The following MCHR2 variants were observed in gnomAD, a reference collection of about 807,000 sequenced individuals.
MCHR2 encodes melanin concentrating hormone receptor 2.
Under a neutral mutation model 24.8 loss-of-function variants are expected in MCHR2, and 15 were observed. The ratio of observed to expected loss-of-function variants is 0.60; its 90% CI spans 0.40 to 0.93. MCHR2 has a LOEUF of 0.93. Among genes scored for constraint, MCHR2 ranks in the 40% least tolerant of loss-of-function variants. The pLI is 0.00. For synonymous variants in MCHR2, 151 were observed against 147.6 expected, an observed-to-expected ratio of 1.02 and a Z score of -0.17; for missense variants, 386 against 408.7, an observed-to-expected ratio of 0.94 and a Z score of 0.48.
At chr6:99,953,665 T>C (rs933523898) in intron 2 of MCHR2, among the ~76,000 whole-genome samples, 1 of 150,162 alleles carries the variant, frequency 6.7e-6, no homozygotes, top group African/African-American at 2.4e-5. Flanking sequence ...CACTAGAATA[T>C]GAACTTTTTA....
chr6:99,964,955 G>A lies in MCHR2; in HGVS notation c.-27-8781C>T, dbSNP rs192816441. On this transcript the variant is annotated intron_variant, in intron 1 of 5. Transcript: ENST00000281806. ...AAGGCAAAACGAATCTATATTACTA[G>A]GGCTACATATAATGATGGTAAAAAT... 4.2e-3 allele frequency among the ~76,000 whole-genome samples: 632 copies of A among 152,092 alleles called. 6 individuals carry two copies. The highest frequency in any genetic ancestry group is 0.014 in the African/African-American group (595 of 41,470).
At chr6:99,984,058 T>C (rs1775722751) in intron 1 of MCHR2, among the ~76,000 whole-genome samples, 1 of 152,156 alleles carries the variant, frequency 6.6e-6, no homozygotes, top group Non-Finnish European at 1.5e-5. Flanking sequence ...TACAAATGGC[T>C]TAAACGTAAA....
intron 4 of MCHR2, among the ~76,000 whole-genome samples, chr6:99,942,199 A>G (rs920597874): frequency 6.6e-6 from 1 of 152,174 alleles, no homozygotes; most frequent in Admixed American, 6.5e-5. Flanking sequence ...AACAATAGAA[A>G]TTTATTCTCT....
At chr6:99,969,252 G>C (rs181272208) in intron 1 of MCHR2, among the ~76,000 whole-genome samples, 1 of 151,968 alleles carries the variant, frequency 6.6e-6, no homozygotes, top group Non-Finnish European at 1.5e-5. Flanking sequence ...GAGGCGGGAG[G>C]ATCACGATGT....
At chr6:99,951,050 G>T (rs1462157479) in intron 2 of MCHR2, among the ~76,000 whole-genome samples, 1 of 152,080 alleles carries the variant, frequency 6.6e-6, no homozygotes, top group Non-Finnish European at 1.5e-5. Context: ...TACCAGTGGG[G>T]CTCCAGCTCC....
At chr6:99,935,293 CA>C (rs967305087) in intron 4 of MCHR2, among the ~76,000 whole-genome samples, 1 of 151,938 alleles carries the variant, frequency 6.6e-6, no homozygotes, top group Non-Finnish European at 1.5e-5. Context: ...ACTGATTCAC[CA>C]AACACTAGGT....
At chr6:99,954,143 A>G (rs1435948516) in intron 2 of MCHR2, among the ~76,000 whole-genome samples, 1 of 152,050 alleles carries the variant, frequency 6.6e-6, no homozygotes, top group Non-Finnish European at 1.5e-5. Flanking sequence ...CTTTGTTTTC[A>G]TTAGTTGTGG....
intron 5 of MCHR2, among the ~76,000 whole-genome samples, chr6:99,933,827 A>G (rs746724519): frequency 1.6e-4 from 25 of 152,104 alleles, no homozygotes; most frequent in Non-Finnish European, 2.9e-4. Flanking sequence ...GGAATACACA[A>G]TCTCAAGGTG....
chr6:99,991,709 A>G (rs755123203), intron 1 of MCHR2, among the ~76,000 whole-genome samples: 36 of 147,344 alleles, frequency 2.4e-4, no homozygotes, highest in Admixed American at 2.1e-4. Context: ...CTGCAGGCTG[A>G]GGCAGGAGAA....
chr6:99,958,286 G>GAAAAA lies in MCHR2; in HGVS notation c.-27-2117_-27-2113dup, dbSNP rs60546915. ...GCTGGGACAATTGCCTGTCTAAATG[G>GAAAAA]AAAAACCAATCTCACCTATATAAAT... is the stretch of plus-strand genomic sequence containing the variant. On this transcript the variant is annotated intron_variant, in intron 1 of 5. Coordinates refer to ENST00000281806, the MANE Select transcript of MCHR2 (RefSeq NM_001040179.2). Among the ~76,000 whole-genome samples the GAAAAA allele has an allele frequency of 3.3e-3, 505 of 151,278 alleles. 3 individuals are homozygous for GAAAAA. The highest frequency in any genetic ancestry group is 0.012 in the African/African-American group (476 of 41,274).
intron 1 of MCHR2, among the ~76,000 whole-genome samples, chr6:99,975,638 G>A (rs1775534561): frequency 6.6e-6 from 1 of 152,222 alleles, no homozygotes; most frequent in South Asian, 2.1e-4. Context: ...AGATGGAAAT[G>A]CAGAAATCAC....
At chr6:99,989,159 G>A (rs1775820670) in intron 1 of MCHR2, among the ~76,000 whole-genome samples, 1 of 152,122 alleles carries the variant, frequency 6.6e-6, no homozygotes, top group Non-Finnish European at 1.5e-5. Flanking sequence ...CTACCTACCA[G>A]AAGGATCATT....
chr6:99,954,588 T>A (rs1775024898), intron 2 of MCHR2, among the ~76,000 whole-genome samples: 1 of 152,152 alleles, frequency 6.6e-6, no homozygotes, highest in African/African-American at 2.4e-5. Context: ...GTGCAGGTGT[T>A]CTGGTGATGT....
chr6:99,924,344 T>A (rs150897908), intron 5 of MCHR2, among the ~76,000 whole-genome samples: 4,262 of 152,038 alleles, frequency 0.028, 91 homozygotes, highest in Non-Finnish European at 0.043. Context: ...TGTTTAACTT[T>A]AAAAAAAATC....
intron 1 of MCHR2, among the ~76,000 whole-genome samples, chr6:99,976,295 G>C (rs1775550456): frequency 6.6e-6 from 1 of 152,292 alleles, no homozygotes; most frequent in African/African-American, 2.4e-5. Flanking sequence ...ATCCAGTTCA[G>C]AATCTATAGC....
At chr6:99,944,106 T>C (rs1466893314) in intron 3 of MCHR2, among the ~76,000 whole-genome samples, 1 of 152,180 alleles carries the variant, frequency 6.6e-6, no homozygotes, top group Non-Finnish European at 1.5e-5. Flanking sequence ...TTAAGGAACT[T>C]AGGCTAGAAG....
In MCHR2 at chr6:99,920,788, T is replaced by C; in HGVS notation, c.*152A>G. The C allele has an allele frequency of 1.4e-6, 1 of 727,832 alleles. No homozygotes were observed. Among genetic ancestry groups the C allele is most frequent in the East Asian group, 2.6e-5 (1 of 38,656 alleles). 45.1% of individuals were successfully genotyped at this position (727,832 alleles called of 1,614,324 possible). The stretch of plus-strand genomic sequence containing the variant: ...GCTAAAGTTAGCATATTAAGCTCAT[T>C]GTATTTGCATGGTTACACTTCTCTT... On this transcript the variant is annotated 3_prime_UTR_variant, in exon 6 of 6. Coordinates refer to ENST00000281806, the MANE Select transcript of MCHR2 (RefSeq NM_001040179.2).
chr6:99,975,205 G>C (rs1368620069), intron 1 of MCHR2, among the ~76,000 whole-genome samples: 1 of 152,212 alleles, frequency 6.6e-6, no homozygotes, highest in Non-Finnish European at 1.5e-5. Context: ...GTCTCCTTGA[G>C]CTGTGGTGGG....
chr6:99,928,188 C>A (rs999375527), intron 5 of MCHR2, among the ~76,000 whole-genome samples: 1 of 152,130 alleles, frequency 6.6e-6, no homozygotes, highest in African/African-American at 2.4e-5. Flanking sequence ...GGATGAAGCC[C>A]ACTTGATCAT....
Sources: allele counts gnomAD v4.1 joint callset (sites outside exome capture counted in the v4.1 genomes callset), GRCh38; gene constraint gnomAD v4.1.1; transcripts MANE v1.5; gene names NCBI Gene and HGNC (gene_info 2026-07-23, HGNC 2026-07-21).